The following ZMAT3 variants were observed in gnomAD, a reference collection of about 807,000 sequenced individuals.
ZMAT3 encodes the protein zinc finger matrin-type protein 3.
In ZMAT3, 17 loss-of-function variants were observed where a neutral mutation model predicts 32.3. The ratio of observed to expected loss-of-function variants is 0.53; its 90% CI spans 0.36 to 0.79. The LOEUF is 0.79. ZMAT3 is among the 30% of genes least tolerant of loss of function. ZMAT3 has a pLI of 0.00. For synonymous variants in ZMAT3, 120 were observed against 133.1 expected, an observed-to-expected ratio of 0.90 and a Z score of 0.68; for missense variants, 329 against 359.7, an observed-to-expected ratio of 0.91 and a Z score of 0.69.
chr3:179,035,268 G>C (rs1394552510), intron 2 of ZMAT3, among the ~76,000 whole-genome samples: 1 of 152,118 alleles, frequency 6.6e-6, no homozygotes, highest in Non-Finnish European at 1.5e-5. Context: ...TCTATCTCTT[G>C]GGCCTTATGT....
intron 2 of ZMAT3, among the ~76,000 whole-genome samples, chr3:179,040,521 C>G (rs953437325): frequency 2.0e-5 from 3 of 152,174 alleles, no homozygotes; most frequent in African/African-American, 7.2e-5. Flanking sequence ...CCTTTACAGA[C>G]AAGCAAATGC....
chr3:179,068,394 C>T (rs1167884598), intron 1 of ZMAT3, among the ~76,000 whole-genome samples: 1 of 152,106 alleles, frequency 6.6e-6, no homozygotes, highest in Non-Finnish European at 1.5e-5. Context: ...TGCCTGTAAT[C>T]CCAGCTACTC....
At position 179,024,925 on chromosome 3, in the gene ZMAT3, T is replaced by A; in HGVS notation, c.*92A>T. The A allele has an allele frequency of 1.9e-6, 2 of 1,074,966 alleles. No individual in the cohort carries two copies. The highest frequency in any genetic ancestry group is 3.3e-5 in the East Asian group (1 of 30,392). 66.6% of individuals were successfully genotyped at this position (1,074,966 alleles called of 1,614,324 possible). ...CATGTATTAACATTAAGCAGAGGAATGTACTCATATCAAAAAGACCACAAA... is the reference window on the plus strand; with the variant it reads ...CATGTATTAACATTAAGCAGAGGAAAGTACTCATATCAAAAAGACCACAAA... On this transcript the variant is annotated 3_prime_UTR_variant, in exon 6 of 6. Transcript: ENST00000311417.
intron 2 of ZMAT3, among the ~76,000 whole-genome samples, chr3:179,054,400 T>G (rs1720724279): frequency 1.3e-5 from 2 of 152,176 alleles, no homozygotes; most frequent in Admixed American, 1.3e-4. Context: ...TAGTCTGACC[T>G]CAAAGTCCGC....
In ZMAT3 at chr3:179,071,596, G is replaced by A. The variant is rs1721722006; in HGVS notation, c.-59C>T. 1.3e-5 allele frequency: 2 copies of A among 152,132 alleles called. No homozygotes were observed. Among genetic ancestry groups the A allele is most frequent in the Admixed American group, 1.3e-4 (2 of 15,268 alleles). The allele number at this position is 152,132 out of a possible 1,614,324, so 9.4% of individuals were successfully genotyped here. A position where few individuals can be genotyped will look rare whatever the true frequency, so the allele number is the denominator to read the frequency against. The stretch of plus-strand genomic sequence containing the variant: ...CGGCTCCCAATCGCCCGCACTTACC[G>A]GAACCCCCGGGACGCGCCGGCAGTC... On this transcript the variant is annotated splice_region_variant and 5_prime_UTR_variant, in exon 1 of 6. Coordinates refer to ENST00000311417, the MANE Select transcript of ZMAT3 (RefSeq NM_022470.4).
intron 2 of ZMAT3, among the ~76,000 whole-genome samples, chr3:179,058,900 A>G (rs981720390): frequency 6.6e-6 from 1 of 152,174 alleles, no homozygotes; most frequent in East Asian, 1.9e-4. Flanking sequence ...TCACTTGGGC[A>G]CTAGAATTAG....
At chr3:179,058,393 G>A (rs1451469756) in intron 2 of ZMAT3, among the ~76,000 whole-genome samples, 1 of 152,192 alleles carries the variant, frequency 6.6e-6, no homozygotes, top group Non-Finnish European at 1.5e-5. Flanking sequence ...GCCACTCGAG[G>A]GGACCTTTTA....
At chr3:179,037,015 C>G (rs1448360734) in intron 2 of ZMAT3, among the ~76,000 whole-genome samples, 1 of 152,172 alleles carries the variant, frequency 6.6e-6, no homozygotes, top group Non-Finnish European at 1.5e-5. Context: ...TCTTTTGGGT[C>G]CCCTCTCACA....
intron 2 of ZMAT3, among the ~76,000 whole-genome samples, chr3:179,036,513 G>A (rs948476964): frequency 2.6e-5 from 4 of 152,110 alleles, no homozygotes; most frequent in Admixed American, 6.6e-5. Context: ...GGAGAAAGAC[G>A]CAGGAACTAT....
chr3:179,043,553 T>A (rs1403242775), intron 2 of ZMAT3, among the ~76,000 whole-genome samples: 77 of 151,064 alleles, frequency 5.1e-4, no homozygotes, highest in Non-Finnish European at 7.8e-4. Flanking sequence ...CCTTCCTTAC[T>A]CCTTATACAA....
chr3:179,042,807 T>C (rs868333166), intron 2 of ZMAT3, among the ~76,000 whole-genome samples: 42 of 152,320 alleles, frequency 2.8e-4, no homozygotes, highest in Middle Eastern at 6.8e-3. Context: ...GATGACATGA[T>C]TGTATATTTA....
At chr3:179,051,939 A>G (rs1720587274) in intron 2 of ZMAT3, among the ~76,000 whole-genome samples, 1 of 152,236 alleles carries the variant, frequency 6.6e-6, no homozygotes, top group Non-Finnish European at 1.5e-5. Context: ...AGGACACTCT[A>G]TTGAACAAAT....
rs1576830874 is a variant in ZMAT3 at position 179,022,465 on chromosome 3, G to GA, written c.*2551dup. On this transcript the variant is annotated 3_prime_UTR_variant, in exon 6 of 6. Transcript: ENST00000311417. ...CATACACACACATCTACCTATGGAG[G>GA]AAAAAAACTAGATTTTTAGGTAATC... is the stretch of plus-strand genomic sequence containing the variant. 6.6e-6 allele frequency: 1 copy of GA among 151,544 alleles called. No homozygotes were observed. The highest frequency in any genetic ancestry group is 2.4e-5 in the African/African-American group (1 of 41,268). 9.4% of individuals were successfully genotyped at this position (151,544 alleles called of 1,614,324 possible). A position where few individuals can be genotyped will look rare whatever the true frequency, so the allele number is the denominator to read the frequency against.
chr3:179,060,883 A>G (rs1015486363), intron 2 of ZMAT3, among the ~76,000 whole-genome samples: 5 of 152,154 alleles, frequency 3.3e-5, no homozygotes, highest in African/African-American at 1.2e-4. Flanking sequence ...GAATCAGAAG[A>G]TTTCTCTTCA....
chr3:179,069,631 T>C (rs1721605794), intron 1 of ZMAT3, among the ~76,000 whole-genome samples: 1 of 152,164 alleles, frequency 6.6e-6, no homozygotes, highest in South Asian at 2.1e-4. Flanking sequence ...TTTTACCATA[T>C]TTGATAACTA....
intron 2 of ZMAT3, among the ~76,000 whole-genome samples, chr3:179,055,279 G>T (rs1256380773): frequency 1.3e-5 from 2 of 152,148 alleles, no homozygotes; most frequent in African/African-American, 4.8e-5. Context: ...TCAAGGGAGA[G>T]AAACCTGGCT....
At chr3:179,036,188 G>C (rs1280032463) in intron 2 of ZMAT3, among the ~76,000 whole-genome samples, 1 of 152,248 alleles carries the variant, frequency 6.6e-6, no homozygotes, top group African/African-American at 2.4e-5. Context: ...CTGGAAGCTG[G>C]GAAGATACAC....
chr3:179,055,477 CCCT>C (rs1230235116), intron 2 of ZMAT3, among the ~76,000 whole-genome samples: 9 of 150,002 alleles, frequency 6.0e-5, no homozygotes, highest in Admixed American at 5.3e-4. Context: ...CCCCAGCGTC[CCCT>C]CCCCGACTCC....
At chr3:179,047,574 C>T (rs893859491) in intron 2 of ZMAT3, among the ~76,000 whole-genome samples, 7 of 151,474 alleles carry the variant, frequency 4.6e-5, no homozygotes, top group South Asian at 2.1e-4. Flanking sequence ...GGCACCAGGC[C>T]GAGCGTGGTG....
Sources: gnomAD v4.1 joint callset for allele counts (sites outside exome capture counted in the v4.1 genomes callset) on GRCh38, gnomAD v4.1.1 for gene constraint, MANE v1.5 for transcripts, NCBI Gene and HGNC (gene_info 2026-07-23, HGNC 2026-07-21) for gene names.